MIOS: variants seen among roughly 807,000 people sequenced by gnomAD.
MIOS encodes the protein GATOR2 complex protein MIOS.
Under a neutral mutation model 96.9 loss-of-function variants are expected in MIOS, and 52 were observed. The observed-to-expected ratio is 0.54, with a 90% confidence interval of 0.43 to 0.68. The LOEUF (loss-of-function observed/expected upper bound fraction) is 0.68, where lower values mean the gene tolerates loss of function less well. Among genes scored for constraint, MIOS ranks in the 30% least tolerant of loss-of-function variants. The probability of loss-of-function intolerance (pLI) is 0.00; values close to 1 mark genes in which losing one functional copy is unlikely to be tolerated. For synonymous variants in MIOS, 397 were observed against 359.5 expected (o/e 1.10, Z -1.18); for missense variants, 1,005 against 1,052.8 (o/e 0.95, Z 0.63).
chr7:7,594,852 C>T (rs1265973530), intron 9 of MIOS, 128 bp from the exon 10 acceptor site: 6 of 529,362 alleles, frequency 1.1e-5, no homozygotes, highest in Non-Finnish European at 1.4e-5. Context: ...CATTAGGAGC[C>T]AGCTTTTGGC....
chr7:7,587,616 ACT>A, intron 7 of MIOS, among the ~76,000 whole-genome samples: 1 of 152,178 alleles, frequency 6.6e-6, no homozygotes, highest in South Asian at 2.1e-4. Flanking sequence ...AATGTTTATA[ACT>A]CTTTCCAGAT....
At position 7,587,239 on chromosome 7, in the gene MIOS, C is replaced by T. The variant is rs1005209402; in HGVS notation, c.1819-1259C>T. ...TGGCCAGAAATATCAATTCTGGTCTCGAACTCCTGATCTTGAATGATCCAC... is the reference window on the plus strand; with the variant it reads ...TGGCCAGAAATATCAATTCTGGTCTTGAACTCCTGATCTTGAATGATCCAC... On this transcript the variant is annotated intron_variant, in intron 7 of 12. Coordinates refer to ENST00000340080, the MANE Select transcript of MIOS (RefSeq NM_019005.4). 5.9e-5 allele frequency among the ~76,000 whole-genome samples: 9 copies of T among 152,006 alleles called. 1 individual carries two copies. Among genetic ancestry groups the T allele is most frequent in the South Asian group, 4.2e-4 (2 of 4,810 alleles).
chr7:7,600,387 A>C (rs1011596558), intron 11 of MIOS, among the ~76,000 whole-genome samples: 8 of 152,162 alleles, frequency 5.3e-5, no homozygotes, highest in Admixed American at 2.6e-4. Flanking sequence ...TCTACCAAGC[A>C]AATGGAAAAC....
chr7:7,583,359 ATCTTCTG>A lies in MIOS; in HGVS notation c.1636_1642del (p.Ser546LysfsTer5). ...CAATCCAAATCCTGAATGAAGGGGC[ATCTTCTG>A]AAAAAGGTATTAGGTTATAAACTAA... On this transcript the variant is annotated frameshift_variant, in exon 6 of 13. Transcript: ENST00000340080. The A allele has an allele frequency of 6.2e-7, 1 of 1,606,556 alleles. No homozygotes were observed. The highest frequency in any genetic ancestry group is 1.7e-5 in the Admixed American group (1 of 59,358).
In MIOS at chr7:7,586,192, G is replaced by A. The variant is rs189633571; in HGVS notation, c.1818+387G>A. Among the ~76,000 whole-genome samples, 488 of 114,560 alleles carry A rather than the reference G, an allele frequency of 4.3e-3. 2 individuals are homozygous for A. The highest frequency in any genetic ancestry group is 0.015 in the African/African-American group (458 of 30,478). 75.2% of individuals were successfully genotyped at this position (114,560 alleles called of 152,430 possible). A position where few individuals can be genotyped will look rare whatever the true frequency, so the allele number is the denominator to read the frequency against. ...TGTGTGTGTGTGTGTGTGTGTGTGTGTGTAGTTAAATAAAACAACTCACGA... is the reference window on the plus strand; with the variant it reads ...TGTGTGTGTGTGTGTGTGTGTGTGTATGTAGTTAAATAAAACAACTCACGA... On this transcript the variant is annotated intron_variant, in intron 7 of 12. Transcript: ENST00000340080.
intron 6 of MIOS, 70 bp from the exon 7 acceptor site, chr7:7,585,566 G>A (rs1783862798): frequency 1.5e-6 from 2 of 1,339,286 alleles, no homozygotes; most frequent in Non-Finnish European, 2.0e-6. Flanking sequence ...TTCTATTTAT[G>A]GTTTAAGAAA....
intron 9 of MIOS, among the ~76,000 whole-genome samples, chr7:7,592,318 A>G (rs1319092500): frequency 6.6e-6 from 1 of 152,096 alleles, no homozygotes; most frequent in Non-Finnish European, 1.5e-5. Context: ...GACTTATTCC[A>G]TCACCTCTGT....
At chr7:7,595,193 T>C (rs1438510930) in intron 10 of MIOS, 61 bp downstream of exon 10, 18 of 1,532,092 alleles carry the variant, frequency 1.2e-5, no homozygotes, top group Admixed American at 6.0e-5. Context: ...TTTAATAAGT[T>C]ACTATTAGCT....
intron 6 of MIOS, among the ~76,000 whole-genome samples, chr7:7,585,299 A>G (rs1333130402): frequency 6.6e-6 from 1 of 152,134 alleles, no homozygotes; most frequent in Non-Finnish European, 1.5e-5. Context: ...GAAAAGTAAA[A>G]GATCTGCTTC....
chr7:7,601,101 C>A (rs1214440881), intron 11 of MIOS, among the ~76,000 whole-genome samples: 2 of 152,028 alleles, frequency 1.3e-5, no homozygotes, highest in African/African-American at 4.8e-5. Context: ...ACTAAATGCC[C>A]ACGAGAGTAA....
At chr7:7,585,986 A>G (rs1213139519) in intron 7 of MIOS, among the ~76,000 whole-genome samples, 181 bp downstream of exon 7, 1 of 151,988 alleles carries the variant, frequency 6.6e-6, no homozygotes, top group Admixed American at 6.6e-5. Context: ...TTCCCGTCCT[A>G]GAGTTAGTTA....
intron 11 of MIOS, among the ~76,000 whole-genome samples, chr7:7,604,374 C>T (rs1455836510): frequency 6.6e-6 from 1 of 152,064 alleles, no homozygotes; most frequent in African/African-American, 2.4e-5. Context: ...TATTTTTATA[C>T]TCAATTGTGC....
intron 7 of MIOS, among the ~76,000 whole-genome samples, chr7:7,586,400 A>G (rs2115421557): frequency 6.6e-6 from 1 of 152,258 alleles, no homozygotes; most frequent in African/African-American, 2.4e-5. Context: ...TAGGTTCTTT[A>G]TCACAAAACG....
intron 5 of MIOS, among the ~76,000 whole-genome samples, chr7:7,581,153 C>A (rs1783711724): frequency 6.6e-6 from 1 of 151,284 alleles, no homozygotes; most frequent in Non-Finnish European, 1.5e-5. Flanking sequence ...GAAACCCGGT[C>A]TCTACTAAAA....
chr7:7,595,048 A>G lies in MIOS; in HGVS notation c.2112A>G (p.Leu704=). The change falls in exon 10 of 13, where the codon TTA becomes TTG. Residue 704 remains leucine (L), a synonymous_variant. Coordinates refer to ENST00000340080, the MANE Select transcript of MIOS (RefSeq NM_019005.4). ...QYWIENYRNL[L]DAWRFWHKRA... ...GGATTGAGAATTATAGAAATTTATT[A>G]GATGCCTGGAGGTTTTGGCATAAAC... 6.2e-7 allele frequency: 1 copy of G among 1,613,844 alleles called. No homozygotes were observed. Among genetic ancestry groups the G allele is most frequent in the South Asian group, 1.1e-5 (1 of 91,070 alleles).
chr7:7,573,409 A>G lies in MIOS; in HGVS notation c.934A>G (p.Thr312Ala), dbSNP rs1783418674. ...TCCCATTGGGGATGAAACTGAACCC[A>G]CAATAATTGAAAGAAGTGTGCAACC... Reference protein sequence around the residue: ...PTPIGDETEPTIIERSVQPCD... With the variant: ...PTPIGDETEPAIIERSVQPCD... The change falls in exon 4 of 13, where the codon ACA becomes GCA. Residue 312 changes from threonine to alanine, a missense_variant. Physicochemically the swap from Thr to Ala is moderately conservative, Grantham distance 58. This residue lies in a region of MIOS where 865 missense variants were observed against 887.9 expected (regional missense o/e 0.97). Transcript: ENST00000340080. This position sits in a 1 kb window ranked among gnomAD's most constrained non-coding sequence, Gnocchi z 5.0. 1.2e-6 allele frequency: 2 copies of G among 1,614,136 alleles called. No individual in the cohort carries two copies. Among genetic ancestry groups the G allele is most frequent in the Admixed American group, 1.7e-5 (1 of 60,030 alleles).
In MIOS at chr7:7,607,039, AT is replaced by A. The variant is rs746694213; in HGVS notation, c.2576del (p.Met859SerfsTer23). The part of the protein sequence containing the change: ...CPVSACTCKC[M>X]QLDTTGNLVP... ...TGTGTCGGCATGCACGTGTAAATGTATGCAGTTGGATACAACAGGGAATCTG... is the reference window on the plus strand; with the variant it reads ...TGTGTCGGCATGCACGTGTAAATGTAGCAGTTGGATACAACAGGGAATCTG... On this transcript the variant is annotated frameshift_variant, in exon 13 of 13. Transcript: ENST00000340080. 10 of 1,613,242 alleles carry A rather than the reference AT, an allele frequency of 6.2e-6. No individual in the cohort carries two copies. In the South Asian group the frequency reaches 1.1e-4, roughly 18 times the overall value.
rs577290777 is a variant in MIOS, at chr7:7,601,366, G to A, written c.2402-4576G>A. Among the ~76,000 whole-genome samples the A allele has an allele frequency of 5.2e-3, 781 of 151,168 alleles. 6 individuals are homozygous for A. Among genetic ancestry groups the A allele is most frequent in the African/African-American group, 0.018 (735 of 41,256 alleles). On this transcript the variant is annotated intron_variant, in intron 11 of 12. Transcript: ENST00000340080. ...GAAAAGAGAGAAAAATCAAATAGACGCAATAAAAAATGACAAAGGGGATAT... is the reference window on the plus strand; with the variant it reads ...GAAAAGAGAGAAAAATCAAATAGACACAATAAAAAATGACAAAGGGGATAT...
intron 9 of MIOS, 102 bp from the exon 10 acceptor site, chr7:7,594,874 AAAAG>A: frequency 1.2e-6 from 1 of 810,476 alleles, no homozygotes; most frequent in East Asian, 3.0e-5. Context: ...AAAAAAAAAA[AAAAG>A]GCCTATTTCT....
Sources: allele counts gnomAD v4.1 joint callset (sites outside exome capture counted in the v4.1 genomes callset), GRCh38; gene constraint gnomAD v4.1.1; regional missense constraint gnomAD v4.1.1; non-coding constraint Gnocchi (gnomAD v3.1); transcripts MANE v1.5; gene names NCBI Gene and HGNC (gene_info 2026-07-23, HGNC 2026-07-21).